The following EXOC6B variants were observed in gnomAD, a reference collection of about 807,000 sequenced individuals.
The protein encoded by EXOC6B is SEC15 homolog B.
Under a neutral mutation model 113.5 loss-of-function variants are expected in EXOC6B, and 54 were observed. The ratio of observed to expected loss-of-function variants is 0.48; its 90% CI spans 0.38 to 0.60. The LOEUF (loss-of-function observed/expected upper bound fraction) is 0.60. EXOC6B is among the 20% of genes least tolerant of loss of function. EXOC6B has a pLI of 0.00. For missense variants in EXOC6B, 797 were observed against 977.5 expected (o/e 0.82, Z 2.46); for synonymous variants, 357 against 339.0 (o/e 1.05, Z -0.58).
intron 11 of EXOC6B, among the ~76,000 whole-genome samples, 155 bp downstream of exon 11, chr2:72,512,977 T>C (rs973939673): frequency 6.6e-6 from 1 of 152,118 alleles, no homozygotes; most frequent in African/African-American, 2.4e-5. Flanking sequence ...GAAAATGTGA[T>C]AATTTGAAGC....
intron 8 of EXOC6B, among the ~76,000 whole-genome samples, chr2:72,545,720 AAAC>A (rs1344421864): frequency 6.6e-6 from 1 of 152,238 alleles, no homozygotes; most frequent in Non-Finnish European, 1.5e-5. Flanking sequence ...TAATATATAT[AAAC>A]AACAACCCTT....
chr2:72,293,050 G>T (rs1393032279), intron 20 of EXOC6B, among the ~76,000 whole-genome samples: 1 of 152,176 alleles, frequency 6.6e-6, no homozygotes, highest in Non-Finnish European at 1.5e-5. Context: ...AAAAATGCCA[G>T]AAGTGGAATT....
At chr2:72,262,361 T>C (rs553701777) in intron 20 of EXOC6B, among the ~76,000 whole-genome samples, 1 of 152,144 alleles carries the variant, frequency 6.6e-6, no homozygotes, top group South Asian at 2.1e-4. Flanking sequence ...GGCCCAATAC[T>C]ATAGCCCAGA....
intron 20 of EXOC6B, among the ~76,000 whole-genome samples, chr2:72,329,754 G>T (rs1275188765): frequency 6.6e-6 from 1 of 152,018 alleles, no homozygotes; most frequent in Non-Finnish European, 1.5e-5. Flanking sequence ...TTTCCTAACG[G>T]GTGTTAACTA....
chr2:72,753,587 T>C (rs1282799122), intron 1 of EXOC6B, among the ~76,000 whole-genome samples: 1 of 152,194 alleles, frequency 6.6e-6, no homozygotes, highest in Non-Finnish European at 1.5e-5. Flanking sequence ...ACAGTAATTT[T>C]TTAAATGAGA....
At chr2:72,625,091 T>C (rs1671974061) in intron 6 of EXOC6B, among the ~76,000 whole-genome samples, 1 of 151,746 alleles carries the variant, frequency 6.6e-6, no homozygotes, top group African/African-American at 2.4e-5. Flanking sequence ...TGTTTTGTTT[T>C]GTTTTTTGTT....
chr2:72,388,470 G>A (rs1275501880), intron 18 of EXOC6B, among the ~76,000 whole-genome samples: 1 of 151,946 alleles, frequency 6.6e-6, no homozygotes, highest in Non-Finnish European at 1.5e-5. Flanking sequence ...CCCAGGATGT[G>A]GTCTAGCTTA....
chr2:72,512,357 A>AAGGG lies in EXOC6B; in HGVS notation c.1167+774_1167+775insCCCT, dbSNP rs1558748336. Among the ~76,000 whole-genome samples the AAGGG allele has an allele frequency of 1.8e-3, 31 of 16,794 alleles. 2 individuals carry two copies. The highest frequency in any genetic ancestry group is 4.5e-3 in the African/African-American group (30 of 6,654). The allele number at this position is 16,794 out of a possible 152,430, so 11.0% of individuals were successfully genotyped here. A position where few individuals can be genotyped will look rare whatever the true frequency, so the allele number is the denominator to read the frequency against. ...GAAGGAAGGAAGGAAGGAAGGAAGG[A>AAGGG]AGGAAGGAAAGAAGGAAGGAAGGAA... On this transcript the variant is annotated intron_variant, in intron 11 of 21. Transcript: ENST00000272427.
At chr2:72,442,594 A>C (rs1696277645) in intron 18 of EXOC6B, among the ~76,000 whole-genome samples, 2 of 152,186 alleles carry the variant, frequency 1.3e-5, no homozygotes, top group Admixed American at 1.3e-4. Flanking sequence ...CTATACACCA[A>C]CAACAGCCAA....
intron 20 of EXOC6B, among the ~76,000 whole-genome samples, chr2:72,298,844 G>C (rs1686317704): frequency 6.6e-6 from 1 of 152,186 alleles, no homozygotes; most frequent in Non-Finnish European, 1.5e-5. Flanking sequence ...GGTTTCTGCA[G>C]AGAGATCCGC....
intron 20 of EXOC6B, among the ~76,000 whole-genome samples, chr2:72,300,222 A>G (rs911099121): frequency 6.6e-6 from 1 of 152,070 alleles, no homozygotes; most frequent in African/African-American, 2.4e-5. Context: ...TGCCCTGCCC[A>G]AAGAGGTGGA....
At chr2:72,501,650 G>T (rs1558737477) in intron 11 of EXOC6B, among the ~76,000 whole-genome samples, 1 of 148,300 alleles carries the variant, frequency 6.7e-6, no homozygotes, top group East Asian at 2.0e-4. Flanking sequence ...TCTTTTCATG[G>T]TTAATAAATT....
Position 72,307,161 on chromosome 2 carries a change from GT to G in EXOC6B, c.2196+27785del, listed in dbSNP as rs1553371308. Among the ~76,000 whole-genome samples, 59 of 128,446 alleles carry G rather than the reference GT, an allele frequency of 4.6e-4. 3 individuals carry two copies. Among genetic ancestry groups the G allele is most frequent in the East Asian group, 1.2e-3 (6 of 5,014 alleles). 84.3% of individuals were successfully genotyped at this position (128,446 alleles called of 152,430 possible). A position where few individuals can be genotyped will look rare whatever the true frequency, so the allele number is the denominator to read the frequency against. Reference sequence around the variant, plus strand: ...TCCATGACTGCAATGGTATAGTCCAGTTTTTTTTTTTTTGAGACGGAGTCTT... The same window carrying G: ...TCCATGACTGCAATGGTATAGTCCAGTTTTTTTTTTTTGAGACGGAGTCTT... On this transcript the variant is annotated intron_variant, in intron 20 of 21. Coordinates refer to ENST00000272427, the MANE Select transcript of EXOC6B (RefSeq NM_015189.3).
intron 1 of EXOC6B, among the ~76,000 whole-genome samples, chr2:72,769,867 A>C (rs1486717720): frequency 6.6e-6 from 1 of 152,142 alleles, no homozygotes; most frequent in East Asian, 1.9e-4. Flanking sequence ...GCCAAAAATA[A>C]TAAGAATCAA....
chr2:72,679,969 A>C (rs537610587), intron 6 of EXOC6B, among the ~76,000 whole-genome samples: 8 of 152,340 alleles, frequency 5.3e-5, no homozygotes, highest in African/African-American at 1.9e-4. Flanking sequence ...TTAAATAAGA[A>C]TACAACATAA....
At chr2:72,195,220 C>T (rs1264433997) in intron 20 of EXOC6B, among the ~76,000 whole-genome samples, 1 of 152,140 alleles carries the variant, frequency 6.6e-6, no homozygotes, top group Non-Finnish European at 1.5e-5. Flanking sequence ...GGAAGACTCC[C>T]AAATAAAAAT....
chr2:72,750,856 T>G (rs866952133), intron 1 of EXOC6B, among the ~76,000 whole-genome samples: 107 of 152,216 alleles, frequency 7.0e-4, no homozygotes, highest in Admixed American at 1.6e-3. Flanking sequence ...CTTCTAGGAA[T>G]TCTCACAAAT....
At chr2:72,795,345 A>G (rs1684883183) in intron 1 of EXOC6B, among the ~76,000 whole-genome samples, 1 of 152,230 alleles carries the variant, frequency 6.6e-6, no homozygotes, top group Admixed American at 6.5e-5. Context: ...TTTGTAAGCA[A>G]TAAATCAAAC....
At chr2:72,182,213 G>A (rs200393089) in intron 21 of EXOC6B, among the ~76,000 whole-genome samples, 9 of 152,232 alleles carry the variant, frequency 5.9e-5, no homozygotes, top group East Asian at 5.8e-4. Context: ...ACTGGCCAAC[G>A]CTCCAGAATG....
Sources: allele counts gnomAD v4.1 joint callset (sites outside exome capture counted in the v4.1 genomes callset), GRCh38; gene constraint gnomAD v4.1.1; transcripts MANE v1.5; gene names NCBI Gene and HGNC (gene_info 2026-07-23, HGNC 2026-07-21).